ZNF43: variants seen among roughly 807,000 people sequenced by gnomAD.
ZNF43 encodes the protein zinc finger protein 43.
In ZNF43, 44 loss-of-function variants were observed where a neutral mutation model predicts 68.4. The ratio of observed to expected loss-of-function variants is 0.64; its 90% CI spans 0.51 to 0.83. ZNF43 has a LOEUF of 0.83. Among genes scored for constraint, ZNF43 ranks in the 40% least tolerant of loss-of-function variants. The pLI is 0.00. For synonymous variants in ZNF43, 308 were observed against 307.8 expected (o/e 1.00, Z -0.01); for missense variants, 896 against 933.2 (o/e 0.96, Z 0.52).
intron 1 of ZNF43, among the ~76,000 whole-genome samples, chr19:21,823,713 A>C (rs931917008): frequency 6.6e-6 from 1 of 151,590 alleles, no homozygotes; most frequent in Non-Finnish European, 1.5e-5. Context: ...GATTACAGGC[A>C]TGTGCAACCA....
At chr19:21,836,385 CCT>C (rs1385671412), upstream of ZNF43, among the ~76,000 whole-genome samples, 11 of 152,340 alleles carry the variant, frequency 7.2e-5, no homozygotes, top group South Asian at 4.1e-4. Flanking sequence ...GGGCTTCCTC[CCT>C]GAGCAGAGCA....
chr19:21,842,206 C>A (rs1044175223), intron 1 of ZNF43, among the ~76,000 whole-genome samples: 8 of 151,764 alleles, frequency 5.3e-5, no homozygotes, highest in African/African-American at 1.9e-4. Flanking sequence ...GTCAAGAGAA[C>A]GAGAGCATCC....
At chr19:21,822,920 T>A (rs2037928010) in intron 1 of ZNF43, among the ~76,000 whole-genome samples, 1 of 152,220 alleles carries the variant, frequency 6.6e-6, no homozygotes, top group Non-Finnish European at 1.5e-5. Flanking sequence ...AATTTTAATC[T>A]TTTTTAGCCG....
chr19:21,851,954 G>T, exon 1 of ZNF43: 1 of 1,559,174 alleles, frequency 6.4e-7, no homozygotes, highest in Non-Finnish European at 8.7e-7. Context: ...GCGTCTCCCA[G>T]GACTTGCAGA....
chr19:21,822,566 G>A (rs1465548326), intron 1 of ZNF43, among the ~76,000 whole-genome samples: 1 of 152,184 alleles, frequency 6.6e-6, no homozygotes, highest in African/African-American at 2.4e-5. Flanking sequence ...AGCACTTTGG[G>A]AGGCCGAGGC....
intron 1 of ZNF43, among the ~76,000 whole-genome samples, chr19:21,821,936 G>C (rs771558641): frequency 7.5e-6 from 1 of 132,710 alleles, no homozygotes; most frequent in Non-Finnish European, 1.6e-5. Context: ...TTTTTTCTCT[G>C]TCTCTGGGAA....
rs567845330 is a variant in ZNF43 at position 21,825,647 on chromosome 19, G to C, written c.4-6426C>G. ...GGGCATTTTTAGCAAGAGGAAGAAA[G>C]TGGAGATCCTCATGTCCTCATGTCT... is the stretch of plus-strand genomic sequence containing the variant. On this transcript the variant is annotated intron_variant, in intron 1 of 3. Coordinates refer to ENST00000354959, the MANE Select transcript of ZNF43 (RefSeq NM_003423.4). 1.6e-3 allele frequency among the ~76,000 whole-genome samples: 245 copies of C among 150,386 alleles called. 1 individual carries two copies. The highest frequency in any genetic ancestry group is 5.7e-3 in the African/African-American group (228 of 39,756).
Position 21,836,081 on chromosome 19 carries a change from C to G in ZNF43, c.-43G>C. On this transcript the variant is annotated 5_prime_UTR_variant, in exon 1 of 4. Transcript: ENST00000354959. ...GTCCTGGCGTCTTAGCTGTGGATCC[C>G]CCAATACCCGCAGGTCACAGAGCCA... 6.2e-7 allele frequency: 1 copy of G among 1,613,398 alleles called. No homozygotes were observed. The highest frequency in any genetic ancestry group is 1.1e-5 in the South Asian group (1 of 91,062).
chr19:21,834,684 G>A (rs914359058), intron 1 of ZNF43, among the ~76,000 whole-genome samples: 4 of 151,214 alleles, frequency 2.6e-5, no homozygotes, highest in African/African-American at 7.3e-5. Context: ...GGTTGAACCC[G>A]GGAGGTTGCA....
chr19:21,835,952 GCA>G, intron 1 of ZNF43, 82 bp downstream of exon 1: 1 of 1,604,626 alleles, frequency 6.2e-7, no homozygotes, highest in Non-Finnish European at 8.5e-7. Flanking sequence ...TCCGGCACGC[GCA>G]GATTGTGGAG....
chr19:21,813,199 C>T (rs996546127), intron 3 of ZNF43, among the ~76,000 whole-genome samples: 10 of 151,044 alleles, frequency 6.6e-5, no homozygotes, highest in South Asian at 2.1e-4. Context: ...ACTGAGAGCA[C>T]GCCATTGGAC....
At chr19:21,812,088 CAT>C (rs1195047009) in intron 3 of ZNF43, 4 of 397,896 alleles carry the variant, frequency 1.0e-5, no homozygotes, top group African/African-American at 6.2e-5. Flanking sequence ...TTGTAAATCA[CAT>C]GTGATATTCC....
rs1042167325 is a variant in ZNF43 at position 21,807,402 on chromosome 19, C to G, written c.*205G>C. 4.3e-6 allele frequency: 2 copies of G among 462,306 alleles called. No individual in the cohort carries two copies. Among genetic ancestry groups the G allele is most frequent in the African/African-American group, 4.0e-5 (2 of 50,318 alleles). 28.6% of individuals were successfully genotyped at this position (462,306 alleles called of 1,614,324 possible). Reference sequence around the variant, plus strand: ...TATGAGCACATATTAATGGCTTTTCCACATTCTTTGTGTATATACCTTTTT... The same window carrying G: ...TATGAGCACATATTAATGGCTTTTCGACATTCTTTGTGTATATACCTTTTT... On this transcript the variant is annotated 3_prime_UTR_variant, in exon 4 of 4. Coordinates refer to ENST00000354959, the MANE Select transcript of ZNF43 (RefSeq NM_003423.4).
chr19:21,815,225 A>C (rs1048764784), intron 3 of ZNF43, among the ~76,000 whole-genome samples: 2 of 151,988 alleles, frequency 1.3e-5, no homozygotes, highest in Non-Finnish European at 2.9e-5. Flanking sequence ...ACATTGATGC[A>C]CCATTAAAGA....
At position 21,807,903 on chromosome 19, in the gene ZNF43, C is replaced by A; in HGVS notation, c.2134G>T (p.Gly712Cys). 6.2e-7 allele frequency: 1 copy of A among 1,612,812 alleles called. No homozygotes were observed. The change falls in exon 4 of 4, where the codon GGC becomes TGC. Residue 712 changes from glycine to cysteine, a missense_variant. Coordinates refer to ENST00000354959, the MANE Select transcript of ZNF43 (RefSeq NM_003423.4). ...TTTGAGGATCGGTTAAAAGCTTTGC[C>A]ACATTTTTCACATTTGTAGGGTTTC... Reference protein sequence around the residue: ...GEKPYKCEKCGKAFNRSSNLI... With the variant: ...GEKPYKCEKCCKAFNRSSNLI...
chr19:21,836,994 CAA>C (rs1046300787), upstream of ZNF43, among the ~76,000 whole-genome samples: 2 of 152,034 alleles, frequency 1.3e-5, no homozygotes, highest in Admixed American at 6.6e-5. Flanking sequence ...AAAGCATATA[CAA>C]AAAGAGAACA....
chr19:21,819,137 T>C lies in ZNF43; in HGVS notation c.88A>G (p.Arg30Gly). Reference sequence around the variant, plus strand: ...CTGTAGTTCTCTAACATCACATTCCTATATAAATTCTGCTGTGCAATGTCC... The same window carrying C: ...CTGTAGTTCTCTAACATCACATTCCCATATAAATTCTGCTGTGCAATGTCC... ...CLDIAQQNLY[R>G]NVMLENYRNL... Residue 30 changes from arginine to glycine, a missense_variant, in exon 2 of 4, where the codon AGG becomes GGG. Transcript: ENST00000354959. 1.9e-6 allele frequency: 3 copies of C among 1,611,820 alleles called. No individual in the cohort carries two copies. The highest frequency in any genetic ancestry group is 1.7e-6 in the Non-Finnish European group (2 of 1,179,026).
chr19:21,829,537 T>C (rs2038321808), intron 1 of ZNF43, among the ~76,000 whole-genome samples: 1 of 152,148 alleles, frequency 6.6e-6, no homozygotes, highest in Non-Finnish European at 1.5e-5. Flanking sequence ...AAATCAAGGA[T>C]AAGCAATGAA....
chr19:21,820,321 T>C (rs892435523), intron 1 of ZNF43, among the ~76,000 whole-genome samples: 1 of 80,156 alleles, frequency 1.2e-5, no homozygotes, highest in Non-Finnish European at 2.5e-5. Flanking sequence ...GGATCACACC[T>C]ATAATCCCAG....
Sources: gnomAD v4.1 joint callset for allele counts (sites outside exome capture counted in the v4.1 genomes callset) on GRCh38, gnomAD v4.1.1 for gene constraint, MANE v1.5 for transcripts, NCBI Gene and HGNC (gene_info 2026-07-23, HGNC 2026-07-21) for gene names.